The following ARHGAP42 variants were observed in gnomAD, a reference collection of about 807,000 sequenced individuals.
ARHGAP42 encodes Rho GTPase activating protein 42, also known as rho GTPase-activating protein 42.
Under a neutral mutation model 125.0 loss-of-function variants are expected in ARHGAP42, and 63 were observed. The ratio of observed to expected loss-of-function variants is 0.50; its 90% CI spans 0.41 to 0.62. ARHGAP42 has a LOEUF of 0.62. Ranked by LOEUF, ARHGAP42 falls within the 20% of genes least tolerant of loss-of-function variation. ARHGAP42 has a pLI of 0.00. For missense variants in ARHGAP42, 766 were observed against 1,024.2 expected (o/e 0.75, Z 3.44); for synonymous variants, 339 against 351.0 (o/e 0.97, Z 0.38).
chr11:100,951,080 C>T, intron 12 of ARHGAP42, among the ~76,000 whole-genome samples: 1 of 152,022 alleles, frequency 6.6e-6, no homozygotes. Context: ...ACTAGGAAAG[C>T]ACTCATTTGA....
chr11:100,939,190 A>G (rs2135269042), intron 8 of ARHGAP42, among the ~76,000 whole-genome samples: 1 of 152,238 alleles, frequency 6.6e-6, no homozygotes, highest in South Asian at 2.1e-4. Flanking sequence ...TTAGAGCTAT[A>G]TTGGGATTCC....
At chr11:100,963,560 G>A (rs1858012178) in intron 16 of ARHGAP42, among the ~76,000 whole-genome samples, 1 of 152,220 alleles carries the variant, frequency 6.6e-6, no homozygotes, top group Admixed American at 6.5e-5. Context: ...TGATAAAAGT[G>A]TCAGATAAAG....
intron 7 of ARHGAP42, among the ~76,000 whole-genome samples, chr11:100,933,781 A>T (rs1867649713): frequency 6.6e-6 from 1 of 150,480 alleles, no homozygotes; most frequent in South Asian, 2.1e-4. Flanking sequence ...AGGAAATAAG[A>T]CCTTAGAGAA....
At chr11:100,753,623 G>A (rs1478865990) in intron 1 of ARHGAP42, among the ~76,000 whole-genome samples, 2 of 152,344 alleles carry the variant, frequency 1.3e-5, no homozygotes. Context: ...ATTTCTGTGA[G>A]GTCCCCTGTC....
chr11:100,687,880 C>T (rs1395569238), intron 1 of ARHGAP42, 48 bp downstream of exon 1: 3 of 1,494,562 alleles, frequency 2.0e-6, no homozygotes, highest in Non-Finnish European at 2.7e-6. Context: ...GGAGAGTCCC[C>T]GCGGGGTGCG....
At chr11:100,725,363 G>A (rs1241447303) in intron 1 of ARHGAP42, among the ~76,000 whole-genome samples, 4 of 151,696 alleles carry the variant, frequency 2.6e-5, no homozygotes, top group Non-Finnish European at 5.9e-5. Flanking sequence ...TAGAGATGGG[G>A]TTTCACCATG....
At chr11:100,959,758 A>G (rs1267412192) in intron 12 of ARHGAP42, 125 bp from the exon 13 acceptor site, 1 of 851,470 alleles carries the variant, frequency 1.2e-6, no homozygotes, top group Non-Finnish European at 1.9e-6. Flanking sequence ...TCTAACCAAA[A>G]TATTTGGAAG....
intron 1 of ARHGAP42, among the ~76,000 whole-genome samples, chr11:100,749,357 A>T (rs1862386328): frequency 6.6e-6 from 1 of 151,760 alleles, no homozygotes; most frequent in South Asian, 2.1e-4. Flanking sequence ...CCTGTCCCAG[A>T]AGCCTCAACC....
At chr11:100,912,261 T>A (rs1430059578) in intron 4 of ARHGAP42, among the ~76,000 whole-genome samples, 1 of 152,112 alleles carries the variant, frequency 6.6e-6, no homozygotes, top group Non-Finnish European at 1.5e-5. Flanking sequence ...ATCTAATACT[T>A]CCCTCTCTCC....
chr11:100,838,881 A>T (rs1326582733), intron 3 of ARHGAP42, among the ~76,000 whole-genome samples: 1 of 152,122 alleles, frequency 6.6e-6, no homozygotes, highest in Non-Finnish European at 1.5e-5. Context: ...TTAGGAAGGC[A>T]CTTCATTTCC....
chr11:100,688,746 T>A (rs1234047837), intron 1 of ARHGAP42, among the ~76,000 whole-genome samples: 1 of 152,180 alleles, frequency 6.6e-6, no homozygotes, highest in Non-Finnish European at 1.5e-5. Context: ...TTTATGTATT[T>A]ATTTATTTTC....
At chr11:100,747,819 T>A (rs1862339642) in intron 1 of ARHGAP42, among the ~76,000 whole-genome samples, 2 of 117,444 alleles carry the variant, frequency 1.7e-5, no homozygotes, top group Non-Finnish European at 1.7e-5. Context: ...TTGCATAAAT[T>A]CCCTTTTATA....
At chr11:100,689,496 T>C (rs559999023) in intron 1 of ARHGAP42, among the ~76,000 whole-genome samples, 94 of 152,328 alleles carry the variant, frequency 6.2e-4, no homozygotes, top group Non-Finnish European at 1.1e-3. Flanking sequence ...CTGTGATAAA[T>C]GCTCTGACAT....
intron 8 of ARHGAP42, among the ~76,000 whole-genome samples, chr11:100,939,250 T>G (rs751940907): frequency 3.9e-5 from 6 of 152,130 alleles, no homozygotes; most frequent in Non-Finnish European, 7.3e-5. Context: ...GAGCTCAGTC[T>G]TGCCTTATTT....
intron 3 of ARHGAP42, among the ~76,000 whole-genome samples, chr11:100,815,476 C>T (rs984544169): frequency 6.6e-6 from 1 of 152,106 alleles, no homozygotes; most frequent in Non-Finnish European, 1.5e-5. Flanking sequence ...CATTTATTTT[C>T]CCTTGAAAAA....
intron 1 of ARHGAP42, among the ~76,000 whole-genome samples, chr11:100,720,683 CTT>C (rs11304347): frequency 4.0e-5 from 6 of 150,354 alleles, no homozygotes; most frequent in African/African-American, 7.3e-5. Flanking sequence ...TTGAGATAAC[CTT>C]TTTTTTTTGA....
intron 4 of ARHGAP42, among the ~76,000 whole-genome samples, chr11:100,864,187 A>AT (rs77883167): frequency 0.1 from 14,299 of 141,090 alleles, 759 homozygotes; most frequent in East Asian, 0.25. Context: ...ATGTCTGAGG[A>AT]TTTTTTTTTT....
At chr11:100,820,972 T>C (rs1229380198) in intron 3 of ARHGAP42, among the ~76,000 whole-genome samples, 1 of 152,076 alleles carries the variant, frequency 6.6e-6, no homozygotes, top group East Asian at 1.9e-4. Flanking sequence ...TTGTTTGTTT[T>C]TGTTTTCTTT....
At chr11:100,722,818 G>GT (rs1469364383) in intron 1 of ARHGAP42, among the ~76,000 whole-genome samples, 4 of 152,156 alleles carry the variant, frequency 2.6e-5, no homozygotes, top group Non-Finnish European at 5.9e-5. Context: ...CAACTTACCA[G>GT]TTTTTTCTTT....
Sources: gnomAD v4.1 joint callset for allele counts (sites outside exome capture counted in the v4.1 genomes callset) on GRCh38, gnomAD v4.1.1 for gene constraint, MANE v1.5 for transcripts, NCBI Gene and HGNC (gene_info 2026-07-23, HGNC 2026-07-21) for gene names.